SCAP: variants seen among roughly 807,000 people sequenced by gnomAD.
SCAP encodes SREBF chaperone.
A neutral mutation model predicts 123.6 loss-of-function variants in SCAP; 65 were observed. The ratio of observed to expected loss-of-function variants is 0.53; its 90% CI spans 0.43 to 0.65. SCAP has a LOEUF of 0.65. Among genes scored for constraint, SCAP ranks in the 30% least tolerant of loss-of-function variants. SCAP has a pLI of 0.00. For missense variants in SCAP, 1,398 were observed against 1,712.5 expected (o/e 0.82, Z 3.24); for synonymous variants, 740 against 726.3 (o/e 1.02, Z -0.30).
chr3:47,459,669 CA>C (rs1368976291), intron 1 of SCAP, among the ~76,000 whole-genome samples: 1 of 151,962 alleles, frequency 6.6e-6, no homozygotes, highest in East Asian at 1.9e-4. Flanking sequence ...CTTCAAAGGG[CA>C]AAAAGGAGAA....
chr3:47,435,465 A>AACACACACACAC (rs749684765), intron 2 of SCAP, among the ~76,000 whole-genome samples: 37 of 121,482 alleles, frequency 3.0e-4, no homozygotes, highest in Non-Finnish European at 3.9e-4. Flanking sequence ...ATATAATATA[A>AACACACACACAC]ACATACACAC....
intron 1 of SCAP, among the ~76,000 whole-genome samples, chr3:47,447,612 C>G (rs887088975): frequency 6.6e-6 from 1 of 151,502 alleles, no homozygotes; most frequent in African/African-American, 2.4e-5. Context: ...TGCTTAAACC[C>G]GGGAGGCGGA....
At chr3:47,441,235 C>G (rs1207430047) in intron 2 of SCAP, among the ~76,000 whole-genome samples, 1 of 152,002 alleles carries the variant, frequency 6.6e-6, no homozygotes. Flanking sequence ...AGGGTGACTA[C>G]AAAAGAGGAA....
intron 16 of SCAP, 68 bp downstream of exon 16, chr3:47,418,066 C>T (rs1254635009): frequency 1.5e-5 from 15 of 1,032,392 alleles, no homozygotes; most frequent in African/African-American, 9.7e-5. Flanking sequence ...AGGGGAGATA[C>T]GTGGCGGCGG....
rs144572130 is a variant in SCAP at position 47,421,027 on chromosome 3, C to G, written c.1248G>C (p.Glu416Asp). The G allele has an allele frequency of 6.2e-7, 1 of 1,613,358 alleles. No individual in the cohort carries two copies. Among genetic ancestry groups the G allele is most frequent in the African/African-American group, 1.3e-5 (1 of 74,912 alleles). Residue 416 changes from glutamate (E) to aspartate (D), a missense_variant and splice_region_variant, in exon 11 of 23, where the codon GAG (glutamate) becomes GAC (aspartate). Glu to Asp is a conservative substitution (Grantham distance 45). Around this residue, in one of 7 missense-constraint regions of SCAP, gnomAD observed 66 missense variants for 116.3 expected, o/e 0.57. Coordinates refer to ENST00000265565, the MANE Select transcript of SCAP (RefSeq NM_012235.4). ...GYFTLVPAIQ[E>D]FCLFAVVGLV... is the part of the protein sequence containing the mutation. ...GCCCCACGACAGCAAAGAGACAGAA[C>G]TCCTGGAATCAGAGCACATGGGGAT...
At chr3:47,457,856 G>A (rs1356707482) in intron 1 of SCAP, among the ~76,000 whole-genome samples, 1 of 152,172 alleles carries the variant, frequency 6.6e-6, no homozygotes, top group Non-Finnish European at 1.5e-5. Context: ...GCAGTGAGCT[G>A]AGATGGCGCC....
Position 47,467,991 on chromosome 3 carries a change from T to C in SCAP, c.-99+7808A>G, listed in dbSNP as rs185641483. 3.6e-3 allele frequency among the ~76,000 whole-genome samples: 553 copies of C among 152,128 alleles called. 2 individuals carry two copies. The highest frequency in any genetic ancestry group is 0.012 in the African/African-American group (514 of 41,474). ...GGTGTTTGGTTTTCTGTCCTTGCGA[T>C]AGTTTGCTCAGAATGATGGTTTCCA... On this transcript the variant is annotated intron_variant, in intron 1 of 22. Coordinates refer to ENST00000265565, the MANE Select transcript of SCAP (RefSeq NM_012235.4).
intron 1 of SCAP, chr3:47,469,974 C>T: frequency 5.9e-6 from 2 of 339,160 alleles, no homozygotes; most frequent in East Asian, 7.7e-5. Context: ...GAAAGAAATG[C>T]TTTTAAATTA....
chr3:47,441,682 G>A (rs1033327857), intron 2 of SCAP, among the ~76,000 whole-genome samples: 1 of 152,006 alleles, frequency 6.6e-6, no homozygotes, highest in Non-Finnish European at 1.5e-5. Context: ...GTGCAGGCGG[G>A]CACCAGAGTC....
At chr3:47,417,059 A>C (rs1373297130) in intron 18 of SCAP, 63 bp downstream of exon 18, 3 of 1,455,828 alleles carry the variant, frequency 2.1e-6, no homozygotes, top group Non-Finnish European at 9.6e-7. Flanking sequence ...CTCAAGACTC[A>C]AGAGAGTATG....
chr3:47,472,258 C>T (rs1416323088), intron 1 of SCAP, among the ~76,000 whole-genome samples: 2 of 150,676 alleles, frequency 1.3e-5, no homozygotes, highest in Admixed American at 6.6e-5. Flanking sequence ...AAGGTGAAAC[C>T]CCGTCTCTAC....
At chr3:47,465,186 T>C (rs1707778964) in intron 1 of SCAP, among the ~76,000 whole-genome samples, 1 of 152,060 alleles carries the variant, frequency 6.6e-6, no homozygotes, top group South Asian at 2.1e-4. Flanking sequence ...TTTTTCTTTT[T>C]TTTAGACAGA....
chr3:47,446,471 C>G (rs1576294471), intron 1 of SCAP, among the ~76,000 whole-genome samples: 1 of 151,742 alleles, frequency 6.6e-6, no homozygotes, highest in Admixed American at 6.6e-5. Flanking sequence ...GTGCCTGGCC[C>G]CCCTCAATTC....
chr3:47,420,576 C>T lies in SCAP; in HGVS notation c.1541G>A (p.Arg514His). 5.6e-6 allele frequency: 9 copies of T among 1,606,874 alleles called. No homozygotes were observed. The highest frequency in any genetic ancestry group is 7.6e-6 in the Non-Finnish European group (9 of 1,177,218). The change falls in exon 12 of 23, where the codon CGC (arginine) becomes CAC (histidine). Residue 514 changes from arginine to histidine, a missense_variant. By Grantham distance (29) the Arg-to-His change is conservative. This residue lies in a region of SCAP where 828 missense variants were observed against 882.5 expected (regional missense o/e 0.94). Coordinates refer to ENST00000265565, the MANE Select transcript of SCAP (RefSeq NM_012235.4). This position sits in a 1 kb window ranked among gnomAD's most constrained non-coding sequence, Gnocchi z 5.0. ...LRVVYFLART[R>H]LAQRLIMAGT... ...TACCATGATGAGGCGCTGTGCCAGG[C>T]GGGTGCGGGCCAGGAAGTAGACAAC...
chr3:47,417,846 A>AGTGAGCGGGGGCACGGGGGAGGGGG lies in SCAP; in HGVS notation c.2448-21_2448-20insCCCCCTCCCCCGTGCCCCCGCTCAC. On this transcript the variant is annotated intron_variant, in intron 16 of 22. Coordinates refer to ENST00000265565, the MANE Select transcript of SCAP (RefSeq NM_012235.4). ...TGCCTGCTGGGGGCCAGGAGGGCGGAGTGAGAGGGGGCACGGGGGAGGGGG... is the reference window on the plus strand; with the variant it reads ...TGCCTGCTGGGGGCCAGGAGGGCGGAGTGAGCGGGGGCACGGGGGAGGGGGGTGAGAGGGGGCACGGGGGAGGGGG... 1 of 1,082,792 alleles carries AGTGAGCGGGGGCACGGGGGAGGGGG rather than the reference A, an allele frequency of 9.2e-7. No homozygotes were observed. Among genetic ancestry groups the AGTGAGCGGGGGCACGGGGGAGGGGG allele is most frequent in the Non-Finnish European group, 1.2e-6 (1 of 869,170 alleles). 67.1% of individuals were successfully genotyped at this position (1,082,792 alleles called of 1,614,324 possible).
intron 1 of SCAP, among the ~76,000 whole-genome samples, chr3:47,463,087 C>T (rs750277096): frequency 9.9e-5 from 15 of 152,116 alleles, no homozygotes; most frequent in Non-Finnish European, 2.9e-5. Flanking sequence ...CTAACAAGAC[C>T]AAAAACAGAA....
Position 47,414,887 on chromosome 3 carries a change from G to C in SCAP, c.3246C>G (p.Ile1082Met), listed in dbSNP as rs759298649. The C allele has an allele frequency of 6.2e-7, 1 of 1,612,858 alleles. No individual in the cohort carries two copies. The highest frequency in any genetic ancestry group is 2.2e-5 in the East Asian group (1 of 44,878). Residue 1082 changes from isoleucine (I) to methionine (M), a missense_variant, in exon 20 of 23, where the codon ATC becomes ATG. This residue lies in a region of SCAP where 828 missense variants were observed against 882.5 expected (regional missense o/e 0.94). Coordinates refer to ENST00000265565, the MANE Select transcript of SCAP (RefSeq NM_012235.4). The stretch of plus-strand genomic sequence containing the variant: ...GCCCAGCAGCGGCTTTCAGGGCTGT[G>C]ATGGGTTTTTGGTGTGCACAGGGCA... ...HTVPCAHQKP[I>M]TALKAAAGRL...
intron 1 of SCAP, among the ~76,000 whole-genome samples, chr3:47,444,546 C>G (rs892274008): frequency 6.6e-6 from 1 of 151,270 alleles, no homozygotes; most frequent in Non-Finnish European, 1.5e-5. Flanking sequence ...ACTCTCTTGG[C>G]TCACTGCAAC....
At chr3:47,446,709 AG>A (rs1477809607) in intron 1 of SCAP, among the ~76,000 whole-genome samples, 1 of 151,880 alleles carries the variant, frequency 6.6e-6, no homozygotes, top group Non-Finnish European at 1.5e-5. Context: ...TGGGAGGCTG[AG>A]GTGGGAAATC....
Sources: gnomAD v4.1 joint callset for allele counts (sites outside exome capture counted in the v4.1 genomes callset) on GRCh38, gnomAD v4.1.1 for gene constraint, gnomAD v4.1.1 regional missense constraint, Gnocchi (gnomAD v3.1) non-coding constraint, MANE v1.5 for transcripts, NCBI Gene and HGNC (gene_info 2026-07-23, HGNC 2026-07-21) for gene names.